VPS37A: variants seen among roughly 807,000 people sequenced by gnomAD.
VPS37A encodes vacuolar protein sorting-associated protein 37A.
A neutral mutation model predicts 49.8 loss-of-function variants in VPS37A; 30 were observed. The observed-to-expected ratio is 0.60, with a 90% CI of 0.45 to 0.82. VPS37A has a LOEUF of 0.82. Ranked by LOEUF, VPS37A falls within the 40% of genes least tolerant of loss-of-function variation. The pLI, the probability that VPS37A is intolerant of heterozygous loss-of-function variation, is 0.00. For missense variants in VPS37A, 593 were observed against 464.4 expected (o/e 1.28, Z -2.55); for synonymous variants, 195 against 160.6 (o/e 1.21, Z -1.62).
chr8:17,322,909 A>G, the VPS37A span, among the ~76,000 whole-genome samples: 1 of 150,638 alleles, frequency 6.6e-6, no homozygotes, highest in East Asian at 1.9e-4. Flanking sequence ...TTTCATCTTA[A>G]TGAACCTTCA....
the VPS37A span, among the ~76,000 whole-genome samples, chr8:17,315,194 G>A: frequency 1.3e-5 from 2 of 152,168 alleles, no homozygotes; most frequent in Admixed American, 6.5e-5. Context: ...AAGACACAGA[G>A]GGAAGTTAAA....
chr8:17,260,019 A>G (rs1812827107), intron 1 of VPS37A, among the ~76,000 whole-genome samples: 1 of 152,094 alleles, frequency 6.6e-6, no homozygotes. Context: ...TGCTTTATCC[A>G]TTCAGCCACT....
chr8:17,261,487 C>T (rs181406988), intron 1 of VPS37A, among the ~76,000 whole-genome samples: 90 of 152,284 alleles, frequency 5.9e-4, no homozygotes, highest in Admixed American at 1.8e-3. Flanking sequence ...TTGTTTCATC[C>T]GCTTAGGGAA....
rs915585550 is a variant in VPS37A at position 17,296,896 on chromosome 8, C to G, written c.*1910C>G. ...GTTACAACCCAGTCATGAAACAGAG[C>G]AGTGTGATCAGTTATCTGCATTTAA... On this transcript the variant is annotated 3_prime_UTR_variant, in exon 12 of 12. Coordinates refer to ENST00000324849, the MANE Select transcript of VPS37A (RefSeq NM_152415.3). 1 of 152,118 alleles carries G rather than the reference C, an allele frequency of 6.6e-6. No homozygotes were observed. Among genetic ancestry groups the G allele is most frequent in the African/African-American group, 2.4e-5 (1 of 41,434 alleles). 9.4% of individuals were successfully genotyped at this position (152,118 alleles called of 1,614,324 possible).
At chr8:17,286,532 C>A in intron 11 of VPS37A, 105 bp downstream of exon 11, 1 of 917,866 alleles carries the variant, frequency 1.1e-6, no homozygotes, top group Non-Finnish European at 1.7e-6. Context: ...ATAATTCTGT[C>A]ATTATAGTTA....
intron 1 of VPS37A, among the ~76,000 whole-genome samples, chr8:17,254,037 T>G (rs1479340605): frequency 2.0e-5 from 3 of 152,322 alleles, no homozygotes; most frequent in East Asian, 3.9e-4. Context: ...ATTACATAAA[T>G]TTATAGTCAT....
intron 4 of VPS37A, among the ~76,000 whole-genome samples, chr8:17,270,013 G>A (rs1003850131): frequency 7.9e-5 from 12 of 152,082 alleles, no homozygotes; most frequent in African/African-American, 2.4e-5. Flanking sequence ...GCGGGTGCAG[G>A]CACATTACAT....
At chr8:17,256,887 G>T (rs1353063647) in intron 1 of VPS37A, among the ~76,000 whole-genome samples, 4 of 152,100 alleles carry the variant, frequency 2.6e-5, no homozygotes, top group African/African-American at 9.7e-5. Flanking sequence ...CCTGACCTCA[G>T]ATGATCGGCC....
At chr8:17,332,012 C>G in the VPS37A span, among the ~76,000 whole-genome samples, 3 of 152,088 alleles carry the variant, frequency 2.0e-5, no homozygotes, top group East Asian at 1.9e-4. Flanking sequence ...AAACACTGTC[C>G]TAGCCTGCGT....
chr8:17,248,261 CTT>C (rs77478205), intron 1 of VPS37A: 12,304 of 357,434 alleles, frequency 0.034, 32 homozygotes, highest in East Asian at 0.044. Context: ...TCCCTAACCC[CTT>C]TTTTTTTTTT....
chr8:17,331,834 T>G, the VPS37A span, among the ~76,000 whole-genome samples: 3 of 152,222 alleles, frequency 2.0e-5, no homozygotes, highest in Non-Finnish European at 4.4e-5. Flanking sequence ...AGAGAGGGAA[T>G]GCAACCAAGT....
At chr8:17,311,386 C>G in the VPS37A span, 1 of 1,264,144 alleles carries the variant, frequency 7.9e-7, no homozygotes, top group African/African-American at 1.5e-5. Context: ...CCCCTTTAAT[C>G]TTGCTGAGCT....
At chr8:17,303,718 TC>T (rs1563314151), downstream of VPS37A, among the ~76,000 whole-genome samples, 1 of 151,976 alleles carries the variant, frequency 6.6e-6, no homozygotes, top group Non-Finnish European at 1.5e-5. Context: ...CAAGTGATTC[TC>T]CTGTCTCAGC....
intron 1 of VPS37A, among the ~76,000 whole-genome samples, chr8:17,256,595 TCTTTA>T (rs1446353384): frequency 4.0e-5 from 6 of 151,760 alleles, no homozygotes; most frequent in African/African-American, 1.5e-4. Context: ...TTGGGTTGTC[TCTTTA>T]CTTTGTTGAT....
At chr8:17,289,458 G>T (rs1378628592) in intron 11 of VPS37A, among the ~76,000 whole-genome samples, 1 of 152,062 alleles carries the variant, frequency 6.6e-6, no homozygotes, top group Non-Finnish European at 1.5e-5. Context: ...TATTAAATAG[G>T]GAATCCTTCC....
At position 17,268,354 on chromosome 8, in the gene VPS37A, C is replaced by G. The variant is rs373508118; in HGVS notation, c.297C>G (p.Thr99=). The G allele has an allele frequency of 1.4e-4, 227 of 1,609,288 alleles. No individual in the cohort carries two copies. Among genetic ancestry groups the G allele is most frequent in the Non-Finnish European group, 1.8e-4 (211 of 1,176,262 alleles). ...HLMDKQGVYV[T]SPLVNNFTMH... ...TGGATAAACAAGGAGTGTATGTTAC[C>G]TCTCCATTAGTAAACAATGTATGTA... is the stretch of plus-strand genomic sequence containing the variant. The change falls in exon 3 of 12, where the codon ACC becomes ACG. Residue 99 remains threonine, a synonymous_variant. Transcript: ENST00000324849.
intron 1 of VPS37A, 52 bp downstream of exon 1, chr8:17,247,421 G>GCCCC: frequency 1.8e-5 from 3 of 163,932 alleles, no homozygotes; most frequent in Non-Finnish European, 2.4e-5. Flanking sequence ...GGGAGGGCGG[G>GCCCC]CTTGTCCTAA....
chr8:17,261,576 GTCT>G lies in VPS37A; in HGVS notation c.126-4327_126-4325del, dbSNP rs565779446. Among the ~76,000 whole-genome samples the G allele has an allele frequency of 1.5e-4, 23 of 152,136 alleles. No homozygotes were observed. In the East Asian group the frequency reaches 3.7e-3, roughly 24 times the overall value. ...TTTGACGAATTAGTTATTTATTCTG[GTCT>G]TCTCTCTCTGGCTTGTTTTGGTTTT... On this transcript the variant is annotated intron_variant, in intron 1 of 11. Transcript: ENST00000324849.
At chr8:17,273,146 T>C (rs1249557881) in intron 4 of VPS37A, among the ~76,000 whole-genome samples, 1 of 151,476 alleles carries the variant, frequency 6.6e-6, no homozygotes, top group Admixed American at 6.6e-5. Flanking sequence ...AGTATTTGTT[T>C]TATGGGTGTA....
Sources: allele counts gnomAD v4.1 joint callset (sites outside exome capture counted in the v4.1 genomes callset), GRCh38; gene constraint gnomAD v4.1.1; transcripts MANE v1.5; gene names NCBI Gene and HGNC (gene_info 2026-07-23, HGNC 2026-07-21).